SEMA3D: variants seen among roughly 807,000 people sequenced by gnomAD.
The protein encoded by SEMA3D is semaphorin-3D.
Under a neutral mutation model 100.1 loss-of-function variants are expected in SEMA3D, and 84 were observed. The observed-to-expected ratio is 0.84, with a 90% CI of 0.70 to 1.01. The LOEUF (loss-of-function observed/expected upper bound fraction) is 1.01. SEMA3D is among the 50% of genes least tolerant of loss of function. SEMA3D has a pLI of 0.00. For missense variants in SEMA3D, 875 were observed against 934.1 expected (o/e 0.94, Z 0.82); for synonymous variants, 312 against 320.7 (o/e 0.97, Z 0.29).
At chr7:85,246,094 C>T in the SEMA3D span, among the ~76,000 whole-genome samples, 6 of 151,964 alleles carry the variant, frequency 3.9e-5, no homozygotes, top group Non-Finnish European at 7.4e-5. Flanking sequence ...GATTTAATGT[C>T]GACATGTATT....
At chr7:85,019,882 T>C (rs570033767) in intron 14 of SEMA3D, among the ~76,000 whole-genome samples, 5 of 151,760 alleles carry the variant, frequency 3.3e-5, no homozygotes, top group Non-Finnish European at 7.4e-5. Flanking sequence ...TCAAATTCAA[T>C]TGGGGAAAAA....
At chr7:85,089,881 G>A (rs1038765894) in intron 4 of SEMA3D, among the ~76,000 whole-genome samples, 5 of 151,952 alleles carry the variant, frequency 3.3e-5, no homozygotes, top group African/African-American at 1.2e-4. Flanking sequence ...ACAGGAGTGC[G>A]AACCTATCTC....
chr7:85,243,569 A>T, the SEMA3D span, among the ~76,000 whole-genome samples: 24 of 152,298 alleles, frequency 1.6e-4, no homozygotes, highest in African/African-American at 5.8e-4. Flanking sequence ...AAATTTAAAA[A>T]GACTTGCTGA....
chr7:85,175,917 A>G (rs1791211401), intron 1 of SEMA3D, among the ~76,000 whole-genome samples: 1 of 152,258 alleles, frequency 6.6e-6, no homozygotes, highest in Non-Finnish European at 1.5e-5. Flanking sequence ...AAAAATATAT[A>G]AAGAATTCAC....
chr7:85,078,694 C>T (rs1583901399), intron 5 of SEMA3D, among the ~76,000 whole-genome samples: 1 of 152,106 alleles, frequency 6.6e-6, no homozygotes, highest in Non-Finnish European at 1.5e-5. Flanking sequence ...CTTTTGTTTC[C>T]TCATCTTCTA....
intron 18 of SEMA3D, among the ~76,000 whole-genome samples, chr7:85,003,565 G>T (rs1789712149): frequency 6.6e-6 from 1 of 151,682 alleles, no homozygotes; most frequent in Admixed American, 6.6e-5. Flanking sequence ...GTGTCAGAAA[G>T]TCAGAAATTG....
At chr7:85,177,634 T>G (rs1012772137) in intron 1 of SEMA3D, among the ~76,000 whole-genome samples, 3 of 152,156 alleles carry the variant, frequency 2.0e-5, no homozygotes, top group African/African-American at 7.2e-5. Context: ...TAAATAGCAT[T>G]TTTTGCATGA....
intron 4 of SEMA3D, among the ~76,000 whole-genome samples, chr7:85,095,110 T>C (rs1210539072): frequency 6.6e-6 from 1 of 152,030 alleles, no homozygotes; most frequent in Non-Finnish European, 1.5e-5. Context: ...AATCATTTAT[T>C]TGTCAAATAT....
At chr7:85,087,984 A>C (rs1788275476) in intron 4 of SEMA3D, among the ~76,000 whole-genome samples, 1 of 152,170 alleles carries the variant, frequency 6.6e-6, no homozygotes, top group African/African-American at 2.4e-5. Flanking sequence ...AAAAAGATTT[A>C]ATAATACTTT....
intron 17 of SEMA3D, among the ~76,000 whole-genome samples, chr7:85,009,738 T>C (rs1349015471): frequency 6.6e-6 from 1 of 151,850 alleles, no homozygotes; most frequent in Admixed American, 6.6e-5. Flanking sequence ...CTTCATTTAC[T>C]TTATAAAATC....
intron 2 of SEMA3D, among the ~76,000 whole-genome samples, chr7:85,135,771 T>C (rs1425066654): frequency 7.7e-6 from 1 of 129,154 alleles, no homozygotes; most frequent in African/African-American, 3.3e-5. Context: ...CCTATCCCTG[T>C]TGGCTCAGTA....
chr7:85,071,861 G>T (rs1235550246), intron 6 of SEMA3D, among the ~76,000 whole-genome samples: 1 of 152,190 alleles, frequency 6.6e-6, no homozygotes, highest in Non-Finnish European at 1.5e-5. Context: ...TGATGCACAT[G>T]ACTGTACTTA....
At chr7:85,164,729 T>C (rs1233686474) in intron 1 of SEMA3D, among the ~76,000 whole-genome samples, 1 of 152,062 alleles carries the variant, frequency 6.6e-6, no homozygotes, top group Non-Finnish European at 1.5e-5. Context: ...ATATATTACA[T>C]TAGGATTTGT....
At chr7:85,005,211 T>C (rs1204749481) in intron 18 of SEMA3D, among the ~76,000 whole-genome samples, 1 of 152,100 alleles carries the variant, frequency 6.6e-6, no homozygotes, top group Admixed American at 6.6e-5. Flanking sequence ...ATTAAAACAT[T>C]GCAATGTAAC....
intron 4 of SEMA3D, among the ~76,000 whole-genome samples, chr7:85,092,782 T>C (rs1788435515): frequency 6.6e-6 from 1 of 152,072 alleles, no homozygotes; most frequent in African/African-American, 2.4e-5. Context: ...AAAACTTATA[T>C]GTTTTCAACA....
chr7:85,048,573 G>T (rs769995793), intron 9 of SEMA3D, among the ~76,000 whole-genome samples: 3 of 151,826 alleles, frequency 2.0e-5, no homozygotes, highest in Non-Finnish European at 4.4e-5. Flanking sequence ...ACTAATGGAA[G>T]ATAGTGAAGT....
At chr7:85,047,491 A>G (rs1434858999) in intron 9 of SEMA3D, among the ~76,000 whole-genome samples, 2 of 151,786 alleles carry the variant, frequency 1.3e-5, no homozygotes, top group African/African-American at 4.8e-5. Context: ...ACGTGATTTT[A>G]TCTGTATATA....
At chr7:85,105,645 A>G (rs1340952465) in intron 3 of SEMA3D, among the ~76,000 whole-genome samples, 1 of 152,112 alleles carries the variant, frequency 6.6e-6, no homozygotes, top group East Asian at 1.9e-4. Flanking sequence ...TCATTAAGCT[A>G]TCCACACTAA....
At position 85,056,660 on chromosome 7, in the gene SEMA3D, C is replaced by T. The variant is rs184253657; in HGVS notation, c.719-801G>A. Among the ~76,000 whole-genome samples the T allele has an allele frequency of 6.7e-5, 10 of 149,374 alleles. No homozygotes were observed. The East Asian group carries it at 2.0e-3, about 29-fold the overall frequency. ...GCATTAAATTTCTTTATACAACAAACATTTAGCTTTAACACCTCCAGTATT... is the reference window on the plus strand; with the variant it reads ...GCATTAAATTTCTTTATACAACAAATATTTAGCTTTAACACCTCCAGTATT... On this transcript the variant is annotated intron_variant, in intron 8 of 18. Transcript: ENST00000284136.
Sources: allele counts gnomAD v4.1 joint callset (sites outside exome capture counted in the v4.1 genomes callset), GRCh38; gene constraint gnomAD v4.1.1; transcripts MANE v1.5; gene names NCBI Gene and HGNC (gene_info 2026-07-23, HGNC 2026-07-21).